Variants in OTOGL observed in about 807,000 individuals in gnomAD.
OTOGL encodes otogelin like.
In OTOGL, 285 loss-of-function variants were observed where a neutral mutation model predicts 318.5. That is an observed-to-expected ratio of 0.89 (90% confidence interval 0.81 to 0.99). OTOGL has a LOEUF of 0.99. Ranked by LOEUF, OTOGL falls within the 50% of genes least tolerant of loss-of-function variation. The pLI, the probability that OTOGL is intolerant of heterozygous loss-of-function variation, is 0.00. For missense variants in OTOGL, 2,899 were observed against 2,845.6 expected (o/e 1.02, Z -0.43); for synonymous variants, 987 against 936.5 (o/e 1.05, Z -0.99).
intron 6 of OTOGL, among the ~76,000 whole-genome samples, chr12:80,221,014 CA>C (rs1424737735): frequency 1.3e-5 from 2 of 152,110 alleles, no homozygotes; most frequent in Admixed American, 6.6e-5. Context: ...TGTAAAGAGT[CA>C]CCCTTACCTT....
intron 1 of OTOGL, chr12:80,133,690 C>T (rs1424637941): frequency 6.6e-5 from 10 of 152,326 alleles, no homozygotes; most frequent in Admixed American, 4.6e-4. Flanking sequence ...TGTGGTGGCT[C>T]GTGCCTGTAA....
Position 80,255,063 on chromosome 12 carries a change from T to C in OTOGL, c.1465T>C (p.Ser489Pro). Residue 489 changes from serine (S) to proline (P), a missense_variant, in exon 16 of 59, where the codon TCT becomes CCT. Ser to Pro is a moderately conservative substitution (Grantham distance 74). Coordinates refer to ENST00000547103, the MANE Select transcript of OTOGL (RefSeq NM_001378609.3). ...AGTTCAATGCTCAGTTGTAGGTGAT[T>C]CTCACTTTACAACTTTTGATGGTCG... ...CPVQCSVVGD[S>P]HFTTFDGRHY... 6.6e-7 allele frequency: 1 copy of C among 1,510,134 alleles called. No individual in the cohort carries two copies. 93.5% of individuals were successfully genotyped at this position (1,510,134 alleles called of 1,614,324 possible). A position where few individuals can be genotyped will look rare whatever the true frequency, so the allele number is the denominator to read the frequency against.
intron 1 of OTOGL, among the ~76,000 whole-genome samples, chr12:80,161,339 G>C (rs934475516): frequency 4.6e-5 from 7 of 152,040 alleles, no homozygotes; most frequent in Admixed American, 6.6e-5. Flanking sequence ...ATGAGAATAA[G>C]TAGGATATAA....
chr12:80,103,360 A>T (rs1869259408), intron 1 of OTOGL: 1 of 1,155,612 alleles, frequency 8.7e-7, no homozygotes, highest in Non-Finnish European at 1.3e-6. Flanking sequence ...TCGGTGATCG[A>T]TCTTCTTTTC....
At chr12:80,214,169 C>A (rs1195595548) in intron 4 of OTOGL, among the ~76,000 whole-genome samples, 1 of 152,170 alleles carries the variant, frequency 6.6e-6, no homozygotes, top group Non-Finnish European at 1.5e-5. Context: ...CATTACATTC[C>A]AAAAGTTCCT....
chr12:80,334,496 T>C (rs887610374), intron 38 of OTOGL, among the ~76,000 whole-genome samples: 2 of 152,044 alleles, frequency 1.3e-5, no homozygotes, highest in Non-Finnish European at 2.9e-5. Context: ...TCTCAGCGGA[T>C]AAATGGTATG....
intron 2 of OTOGL, among the ~76,000 whole-genome samples, chr12:80,209,927 T>C (rs1316244856): frequency 1.3e-5 from 2 of 152,122 alleles, no homozygotes; most frequent in African/African-American, 4.8e-5. Context: ...TGAAATTTTA[T>C]AATAAACAGC....
chr12:80,355,272 C>A (rs1410678519), intron 46 of OTOGL, among the ~76,000 whole-genome samples: 6 of 129,412 alleles, frequency 4.6e-5, no homozygotes, highest in African/African-American at 1.7e-4. Context: ...CTCTGTTGCA[C>A]AGGCTTGAGT....
At chr12:80,367,121 C>T (rs1890588451) in intron 53 of OTOGL, among the ~76,000 whole-genome samples, 1 of 145,400 alleles carries the variant, frequency 6.9e-6, no homozygotes, top group Non-Finnish European at 1.5e-5. Context: ...GTACTACAGA[C>T]ATGCACCACC....
At chr12:80,194,684 A>G (rs1305057809) in intron 1 of OTOGL, among the ~76,000 whole-genome samples, 1 of 152,202 alleles carries the variant, frequency 6.6e-6, no homozygotes, top group East Asian at 1.9e-4. Context: ...AGCGCTCTAA[A>G]ATATATTTAA....
intron 19 of OTOGL, 89 bp from the exon 20 acceptor site, chr12:80,264,912 C>T: frequency 3.1e-6 from 4 of 1,307,132 alleles, no homozygotes; most frequent in Non-Finnish European, 3.3e-6. Context: ...ATATGCACTA[C>T]AGTGTATTTC....
At chr12:80,358,394 G>A (rs1566012803) in intron 50 of OTOGL, 45 bp downstream of exon 50, 21 of 1,429,698 alleles carry the variant, frequency 1.5e-5, no homozygotes, top group Admixed American at 4.0e-5. Flanking sequence ...TGTGTCCAAT[G>A]TTTAAGAAGC....
chr12:80,342,257 T>C, intron 44 of OTOGL, 95 bp downstream of exon 44: 1 of 978,654 alleles, frequency 1.0e-6, no homozygotes, highest in Non-Finnish European at 1.5e-6. Flanking sequence ...GTTCTTCTAC[T>C]GAGAACAAAA....
chr12:80,221,651 A>AT (rs1315619369), intron 6 of OTOGL, among the ~76,000 whole-genome samples: 19 of 148,522 alleles, frequency 1.3e-4, no homozygotes, highest in African/African-American at 4.6e-4. Context: ...GTCAATAGTT[A>AT]TTTTTCTCTG....
intron 18 of OTOGL, among the ~76,000 whole-genome samples, chr12:80,259,439 T>C (rs899990406): frequency 3.9e-5 from 6 of 152,194 alleles, no homozygotes; most frequent in Admixed American, 6.5e-5. Flanking sequence ...TAGACATACA[T>C]GTGCCATGGT....
At chr12:80,376,929 A>G (rs1450725629) in intron 57 of OTOGL, among the ~76,000 whole-genome samples, 194 bp from the exon 58 acceptor site, 1 of 152,120 alleles carries the variant, frequency 6.6e-6, no homozygotes, top group Non-Finnish European at 1.5e-5. Flanking sequence ...AGAAAATATA[A>G]GAAAATCTAT....
chr12:80,213,392 C>T lies in OTOGL; in HGVS notation c.168+1395C>T, dbSNP rs1411358915. Among the ~76,000 whole-genome samples, 3 of 152,220 alleles carry T rather than the reference C, an allele frequency of 2.0e-5. No homozygotes were observed. In the East Asian group the frequency reaches 5.8e-4, roughly 29 times the overall value. On this transcript the variant is annotated intron_variant, in intron 4 of 58. Coordinates refer to ENST00000547103, the MANE Select transcript of OTOGL (RefSeq NM_001378609.3). ...TGGGCCGGTTTCTTTACTGCAGGGT[C>T]TTTATGACCTGTATCTTGTGATGCC...
At chr12:80,317,579 A>G (rs1210411896) in intron 32 of OTOGL, among the ~76,000 whole-genome samples, 3 of 152,090 alleles carry the variant, frequency 2.0e-5, no homozygotes, top group Non-Finnish European at 4.4e-5. Context: ...TCTGAATTGT[A>G]TCTCATTATA....
chr12:80,109,136 G>T (rs1349940184), intron 1 of OTOGL, among the ~76,000 whole-genome samples: 2 of 151,330 alleles, frequency 1.3e-5, no homozygotes, highest in Non-Finnish European at 2.9e-5. Flanking sequence ...CCCAACTTTA[G>T]AATCATTAAT....
Sources: allele counts gnomAD v4.1 joint callset (sites outside exome capture counted in the v4.1 genomes callset), GRCh38; gene constraint gnomAD v4.1.1; transcripts MANE v1.5; gene names NCBI Gene and HGNC (gene_info 2026-07-23, HGNC 2026-07-21).